Variants in IGF2BP2 observed in about 807,000 individuals in gnomAD.
IGF2BP2 encodes insulin-like growth factor 2 mRNA-binding protein 2.
A neutral mutation model predicts 75.8 loss-of-function variants in IGF2BP2; 17 were observed. The ratio of observed to expected loss-of-function variants is 0.22; its 90% CI spans 0.15 to 0.34. The LOEUF is 0.34. Among genes scored for constraint, IGF2BP2 ranks in the 10% least tolerant of loss-of-function variants. The pLI, the probability that IGF2BP2 is intolerant of heterozygous loss-of-function variation, is 1.00. For missense variants in IGF2BP2, 516 were observed against 772.4 expected (o/e 0.67, Z 3.93); for synonymous variants, 288 against 295.6 (o/e 0.97, Z 0.26).
At chr3:185,734,565 T>G (rs910968013) in intron 2 of IGF2BP2, among the ~76,000 whole-genome samples, 1 of 152,260 alleles carries the variant, frequency 6.6e-6, no homozygotes, top group African/African-American at 2.4e-5. Context: ...AAAGCTGGTT[T>G]TTAACAAGTG....
At position 185,705,565 on chromosome 3, in the gene IGF2BP2, G is replaced by GA. The variant is rs11350184; in HGVS notation, c.240-7219dup. ...GAAGTTCACTGCTTGAATGAAACAG[G>GA]AAAAAAAAAAAATCACTTAATATGA... On this transcript the variant is annotated intron_variant, in intron 2 of 15. Coordinates refer to ENST00000382199, the MANE Select transcript of IGF2BP2 (RefSeq NM_006548.6). 9.0e-3 allele frequency among the ~76,000 whole-genome samples: 1,338 copies of GA among 148,180 alleles called. 68 individuals are homozygous for GA. The East Asian group carries it at 0.16, about 18-fold the overall frequency.
At chr3:185,783,973 G>A (rs938571963) in intron 2 of IGF2BP2, among the ~76,000 whole-genome samples, 15 of 152,158 alleles carry the variant, frequency 9.9e-5, no homozygotes, top group African/African-American at 3.4e-4. Flanking sequence ...GGTGGCTCAC[G>A]TCAGTAATCC....
At chr3:185,773,855 A>G (rs1734192967) in intron 2 of IGF2BP2, among the ~76,000 whole-genome samples, 1 of 152,174 alleles carries the variant, frequency 6.6e-6, no homozygotes, top group South Asian at 2.1e-4. Flanking sequence ...AAGTGCTCTA[A>G]AAGCCCTTGT....
intron 2 of IGF2BP2, among the ~76,000 whole-genome samples, chr3:185,769,805 G>A (rs1733620776): frequency 7.2e-6 from 1 of 138,778 alleles, no homozygotes. Flanking sequence ...ACTCCCGCCT[G>A]GATGATAGAA....
rs564136260 is a variant in IGF2BP2 at position 185,663,824 on chromosome 3, A to G, written c.1201-5415T>C. ...ATGATTGATTTGCATATGTCAAACC[A>G]TCCTTGCATCCCAGGGATAAATCCC... is the stretch of plus-strand genomic sequence containing the variant. On this transcript the variant is annotated intron_variant, in intron 10 of 15. Coordinates refer to ENST00000382199, the MANE Select transcript of IGF2BP2 (RefSeq NM_006548.6). Among the ~76,000 whole-genome samples the G allele has an allele frequency of 3.5e-4, 53 of 152,360 alleles. 1 individual carries two copies. The highest frequency in any genetic ancestry group is 1.2e-3 in the African/African-American group (48 of 41,574).
chr3:185,759,504 G>C (rs1732071196), intron 2 of IGF2BP2, among the ~76,000 whole-genome samples: 1 of 152,196 alleles, frequency 6.6e-6, no homozygotes, highest in African/African-American at 2.4e-5. Context: ...AGGAGAATCA[G>C]GAGAAAATGA....
chr3:185,728,378 T>G (rs1330068835), intron 2 of IGF2BP2: 1 of 152,270 alleles, frequency 6.6e-6, no homozygotes, highest in Non-Finnish European at 1.5e-5. Context: ...AGTCGCTCAC[T>G]CACATGTTAC....
At chr3:185,707,838 C>T (rs1452971633) in intron 2 of IGF2BP2, among the ~76,000 whole-genome samples, 1 of 152,220 alleles carries the variant, frequency 6.6e-6, no homozygotes, top group Non-Finnish European at 1.5e-5. Context: ...CCATCCCTCT[C>T]CTCAACTCAT....
Position 185,645,551 on chromosome 3 carries a change from C to T in IGF2BP2, c.1780G>A (p.Ala594Thr), listed in dbSNP as rs751346926. The T allele has an allele frequency of 1.1e-5, 17 of 1,612,704 alleles. No homozygotes were observed. The highest frequency in any genetic ancestry group is 2.2e-5 in the East Asian group (1 of 44,880). ...QQEQKYPQGV[A>T]SQRSK ...GAGCCTCACTTGCTGCGCTGTGAGG[C>T]GACTCCCTGAGGGTATTTCTGCTCC... is the stretch of plus-strand genomic sequence containing the variant. The change falls in exon 16 of 16, where the codon GCC becomes ACC. Residue 594 changes from alanine to threonine, a missense_variant. This residue lies in a region of IGF2BP2 where 129 missense variants were observed against 230.5 expected (regional missense o/e 0.56). Coordinates refer to ENST00000382199, the MANE Select transcript of IGF2BP2 (RefSeq NM_006548.6). This position sits in a 1 kb window ranked among gnomAD's most constrained non-coding sequence, Gnocchi z 4.9.
chr3:185,815,031 GTTT>G (rs887624319), intron 2 of IGF2BP2, among the ~76,000 whole-genome samples: 1 of 151,454 alleles, frequency 6.6e-6, no homozygotes, highest in Admixed American at 6.6e-5. Context: ...AAAACCTCAA[GTTT>G]TTTTTCAGGA....
chr3:185,769,830 CAAAAAAAAAAAAAAA>C (rs35418660), intron 2 of IGF2BP2, among the ~76,000 whole-genome samples: 3 of 77,172 alleles, frequency 3.9e-5, no homozygotes, highest in Non-Finnish European at 7.6e-5. Flanking sequence ...ACCCTGTCTC[CAAAAAAAAAAAAAAA>C]AAAAAAAAGA....
chr3:185,656,877 T>G (rs907728778), intron 12 of IGF2BP2, among the ~76,000 whole-genome samples: 5 of 152,088 alleles, frequency 3.3e-5, no homozygotes, highest in African/African-American at 1.2e-4. Context: ...TTTCAAAGAG[T>G]TTTTTATCCA....
intron 2 of IGF2BP2, among the ~76,000 whole-genome samples, chr3:185,746,460 G>C (rs960984384): frequency 3.3e-5 from 5 of 152,138 alleles, no homozygotes; most frequent in African/African-American, 1.2e-4. Flanking sequence ...TCTACTTAAC[G>C]ATTATTTTCC....
chr3:185,718,536 T>A (rs1163795790), intron 2 of IGF2BP2, among the ~76,000 whole-genome samples: 4 of 151,484 alleles, frequency 2.6e-5, no homozygotes, highest in African/African-American at 9.7e-5. Context: ...ATACAAAAAA[T>A]TAGCCAGGCG....
chr3:185,748,275 G>A (rs1730525562), intron 2 of IGF2BP2, among the ~76,000 whole-genome samples: 1 of 152,170 alleles, frequency 6.6e-6, no homozygotes, highest in South Asian at 2.1e-4. Flanking sequence ...AAGGAACTGG[G>A]GGGTTACATA....
chr3:185,771,308 G>A (rs968992552), intron 2 of IGF2BP2, among the ~76,000 whole-genome samples: 1 of 152,014 alleles, frequency 6.6e-6, no homozygotes, highest in Non-Finnish European at 1.5e-5. Context: ...AGGTGTGGTG[G>A]TGCACGCCTA....
intron 7 of IGF2BP2, among the ~76,000 whole-genome samples, chr3:185,676,730 A>ATG (rs1719415121): frequency 7.3e-6 from 1 of 137,528 alleles, no homozygotes; most frequent in African/African-American, 2.7e-5. Context: ...ATATATGGAG[A>ATG]TGTATATATA....
At chr3:185,704,236 C>G (rs1358766117) in intron 2 of IGF2BP2, among the ~76,000 whole-genome samples, 2 of 152,198 alleles carry the variant, frequency 1.3e-5, no homozygotes, top group Non-Finnish European at 1.5e-5. Flanking sequence ...CACCAGCGCT[C>G]CCAGCCCTCC....
chr3:185,700,706 A>T (rs61078683), intron 2 of IGF2BP2, among the ~76,000 whole-genome samples: 2 of 152,210 alleles, frequency 1.3e-5, no homozygotes, highest in Non-Finnish European at 2.9e-5. Flanking sequence ...ATTTACTGGT[A>T]GATATTCTAT....
Sources: allele counts gnomAD v4.1 joint callset (sites outside exome capture counted in the v4.1 genomes callset), GRCh38; gene constraint gnomAD v4.1.1; regional missense constraint gnomAD v4.1.1; non-coding constraint Gnocchi (gnomAD v3.1); transcripts MANE v1.5; gene names NCBI Gene and HGNC (gene_info 2026-07-23, HGNC 2026-07-21).